The following FGF13 variants were observed in gnomAD, a reference collection of about 807,000 sequenced individuals.
FGF13 encodes the protein fibroblast growth factor homologous factor 2.
Under a neutral mutation model 19.5 loss-of-function variants are expected in FGF13, and 2 were observed. The observed-to-expected ratio is 0.10, with a 90% CI of 0.04 to 0.32. FGF13 has a LOEUF of 0.32. FGF13 is among the 10% of genes least tolerant of loss of function. The pLI is 1.00. For missense variants in FGF13, 113 were observed against 192.7 expected, an observed-to-expected ratio of 0.59 and a Z score of 2.45; for synonymous variants, 72 against 76.9, an observed-to-expected ratio of 0.94 and a Z score of 0.33.
At chrX:138,951,388 A>T (rs954905711) in intron 1 of FGF13, among the ~76,000 whole-genome samples, 12 of 112,107 alleles carry the variant, frequency 1.1e-4, no homozygotes, top group Non-Finnish European at 2.1e-4. Flanking sequence ...ATATAGTATA[A>T]ACAATAAAAC....
chrX:138,940,263 GT>G (rs2091751382), intron 1 of FGF13, among the ~76,000 whole-genome samples: 1 of 111,018 alleles, frequency 9.0e-6, no homozygotes, highest in Admixed American at 9.6e-5. Flanking sequence ...CCTCTGCCTA[GT>G]TTCTAATGGG....
Position 139,066,242 on chromosome X carries a change from C to T in FGF13, c.-113+137174G>A, listed in dbSNP as rs138919046. On this transcript the variant is annotated intron_variant, in intron 1 of 2. Coordinates refer to the FGF13 transcript ENST00000421460. ...GCAGGAAGGATCTAAAATCAACATC[C>T]GAAGATCACAATTAAAAGAACTAGA... Among the ~76,000 whole-genome samples, 546 of 110,936 alleles carry T rather than the reference C, an allele frequency of 4.9e-3. 1 individual carries two copies. Among genetic ancestry groups the T allele is most frequent in the African/African-American group, 0.017 (514 of 30,577 alleles).
chrX:138,719,414 A>C (rs764043411), intron 1 of FGF13, among the ~76,000 whole-genome samples: 1 of 112,057 alleles, frequency 8.9e-6, no homozygotes, highest in South Asian at 3.8e-4. Flanking sequence ...GCACTACTTA[A>C]TGTTATTCTA....
rs1032780142 is a variant in FGF13 at position 139,008,504 on chromosome X, G to A, written c.-112-143854C>T. Among the ~76,000 whole-genome samples the A allele has an allele frequency of 8.0e-5, 9 of 112,331 alleles. No homozygotes were observed. The Admixed American group carries it at 8.4e-4, about 11-fold the overall frequency. ...GCTGTTATCTACAGCTGCAAGACCT[G>A]AAGACAGATCACATCACGGGACTCT... is the stretch of plus-strand genomic sequence containing the variant. On this transcript the variant is annotated intron_variant, in intron 1 of 2. Coordinates refer to the FGF13 transcript ENST00000421460.
rs1469937739 is a variant in FGF13 at position 138,631,515 on chromosome X, T to C, written c.*1335A>G. 1.8e-5 allele frequency: 2 copies of C among 112,827 alleles called. No individual in the cohort carries two copies. Among genetic ancestry groups the C allele is most frequent in the Non-Finnish European group, 3.8e-5 (2 of 53,287 alleles). The allele number at this position is 112,827 out of a possible 1,213,427, so 9.3% of individuals were successfully genotyped here. A position where few individuals can be genotyped will look rare whatever the true frequency, so the allele number is the denominator to read the frequency against. On this transcript the variant is annotated 3_prime_UTR_variant, in exon 5 of 5. Transcript: ENST00000315930. ...TGCATTATACAATGTTTACTTCCAGTTGCTACTTCAGTTACTGGCACATAA... is the reference window on the plus strand; with the variant it reads ...TGCATTATACAATGTTTACTTCCAGCTGCTACTTCAGTTACTGGCACATAA...
chrX:139,189,065 CCACA>C (rs3048351), intron 1 of FGF13, among the ~76,000 whole-genome samples: 29 of 102,709 alleles, frequency 2.8e-4, no homozygotes, highest in South Asian at 4.5e-4. Context: ...TTCATTGTTT[CCACA>C]CACACACACA....
In FGF13 at chrX:138,711,030, C is replaced by T; in HGVS notation, c.-27G>A. The T allele has an allele frequency of 8.3e-7, 1 of 1,206,192 alleles. No homozygotes were observed. The highest frequency in any genetic ancestry group is 1.1e-6 in the Non-Finnish European group (1 of 893,612). On this transcript the variant is annotated 5_prime_UTR_variant, in exon 1 of 5. Coordinates refer to ENST00000315930, the MANE Select transcript of FGF13 (RefSeq NM_004114.5). ...GCCACGACGCCCACCACCACCGCTT[C>T]TTTTGCTGCCCCTCTCTGGGTTCGC...
intron 1 of FGF13, among the ~76,000 whole-genome samples, chrX:138,952,360 A>G (rs2091817690): frequency 8.9e-6 from 1 of 112,203 alleles, no homozygotes. Flanking sequence ...GGTGCTGGGA[A>G]AACTGGCTAG....
intron 1 of FGF13, among the ~76,000 whole-genome samples, chrX:139,144,856 A>C (rs2083874892): frequency 9.2e-6 from 1 of 108,761 alleles, no homozygotes; most frequent in African/African-American, 3.5e-5. Context: ...ATATTGAATT[A>C]TAAATAAAAA....
At chrX:139,033,181 G>T (rs1408366617) in intron 1 of FGF13, among the ~76,000 whole-genome samples, 2 of 110,657 alleles carry the variant, frequency 1.8e-5, no homozygotes, top group Non-Finnish European at 3.8e-5. Flanking sequence ...GGAGTTTCTG[G>T]CAACTATTGC....
At chrX:138,639,329 G>A (rs1001216404) in intron 3 of FGF13, among the ~76,000 whole-genome samples, 4 of 111,979 alleles carry the variant, frequency 3.6e-5, no homozygotes, top group Admixed American at 1.9e-4. Context: ...GTACCATAGC[G>A]CTCTTGACAC....
chrX:138,804,296 G>C (rs1438636036), intron 3 of FGF13, among the ~76,000 whole-genome samples: 1 of 111,599 alleles, frequency 9.0e-6, no homozygotes, highest in Non-Finnish European at 1.9e-5. Flanking sequence ...TTATTCTCAT[G>C]GACAGCTAAA....
At chrX:138,829,705 G>C (rs1407870336) in intron 3 of FGF13, among the ~76,000 whole-genome samples, 2 of 111,152 alleles carry the variant, frequency 1.8e-5, no homozygotes, top group Non-Finnish European at 1.9e-5. Context: ...AGAACCCTGA[G>C]CCAAATAAGC....
chrX:138,653,674 C>T (rs2089401620), intron 3 of FGF13, among the ~76,000 whole-genome samples: 1 of 111,116 alleles, frequency 9.0e-6, no homozygotes, highest in African/African-American at 3.3e-5. Flanking sequence ...AGGTTCAGGG[C>T]CCTGACCTAA....
At chrX:138,666,403 AAAAG>A (rs2089545627) in intron 3 of FGF13, among the ~76,000 whole-genome samples, 1 of 111,990 alleles carries the variant, frequency 8.9e-6, no homozygotes, top group Admixed American at 9.5e-5. Context: ...GTATGATCCA[AAAAG>A]TACGTATGAC....
chrX:139,027,487 A>C (rs768211851), intron 1 of FGF13, among the ~76,000 whole-genome samples: 20 of 112,232 alleles, frequency 1.8e-4, no homozygotes, highest in Non-Finnish European at 3.0e-4. Context: ...GTAAGTTTTA[A>C]AATTCTCAAG....
Position 138,618,170 on chromosome X carries a change from G to C in FGF13, c.*14680C>G, listed in dbSNP as rs966530137. 1.8e-5 allele frequency: 2 copies of C among 111,570 alleles called. No individual in the cohort carries two copies. Among genetic ancestry groups the C allele is most frequent in the African/African-American group, 6.5e-5 (2 of 30,608 alleles). 9.2% of individuals were successfully genotyped at this position (111,570 alleles called of 1,213,427 possible). On this transcript the variant is annotated 3_prime_UTR_variant, in exon 5 of 5. Transcript: ENST00000315930. ...ACCTTTGTGGGAGTCTGGTAGTCCAGCTCACAGATGGAGCAAAACAATTAC... is the reference window on the plus strand; with the variant it reads ...ACCTTTGTGGGAGTCTGGTAGTCCACCTCACAGATGGAGCAAAACAATTAC...
At chrX:138,999,639 G>A (rs1307320257) in intron 1 of FGF13, among the ~76,000 whole-genome samples, 1 of 111,829 alleles carries the variant, frequency 8.9e-6, no homozygotes, top group African/African-American at 3.3e-5. Flanking sequence ...AAATCAGGAA[G>A]AAGTCAAATC....
At chrX:138,739,223 T>C in intron 1 of FGF13, 1 of 947,260 alleles carries the variant, frequency 1.1e-6, no homozygotes, top group Non-Finnish European at 1.5e-6. Flanking sequence ...ATCAAAAACA[T>C]TGCAGAAATA....
Sources: gnomAD v4.1 joint callset for allele counts (sites outside exome capture counted in the v4.1 genomes callset) on GRCh38, gnomAD v4.1.1 for gene constraint, MANE v1.5 for transcripts, NCBI Gene and HGNC (gene_info 2026-07-23, HGNC 2026-07-21) for gene names.